ABCA13: variants seen among roughly 807,000 people sequenced by gnomAD.
The protein encoded by ABCA13 is ATP-binding cassette sub-family A member 13.
A neutral mutation model predicts 478.7 loss-of-function variants in ABCA13; 476 were observed. That is an observed-to-expected ratio of 0.99 (90% CI 0.92 to 1.07). ABCA13 has a LOEUF of 1.07. ABCA13 is among the 50% of genes least tolerant of loss of function. ABCA13 has a pLI of 0.00. For missense variants in ABCA13, 6,060 were observed against 5,910.6 expected (o/e 1.03, Z -0.83); for synonymous variants, 2,252 against 2,158.9 (o/e 1.04, Z -1.20).
chr7:48,408,928 A>G (rs1004501396), intron 39 of ABCA13, among the ~76,000 whole-genome samples: 2 of 152,062 alleles, frequency 1.3e-5, no homozygotes, highest in Non-Finnish European at 2.9e-5. Flanking sequence ...CCCACTTGTA[A>G]GTGAGAACAT....
chr7:48,295,302 T>C (rs1170732225), intron 20 of ABCA13, among the ~76,000 whole-genome samples: 1 of 152,256 alleles, frequency 6.6e-6, no homozygotes, highest in African/African-American at 2.4e-5. Flanking sequence ...CCTTTTCTTT[T>C]ACCTGTTTGC....
rs538042124 is a variant in ABCA13, at chr7:48,614,636, A to C, written c.14745-649A>C. 3.0e-4 allele frequency among the ~76,000 whole-genome samples: 45 copies of C among 150,844 alleles called. 1 individual carries two copies. Among genetic ancestry groups the C allele is most frequent in the African/African-American group, 1.1e-3 (45 of 41,386 alleles). On this transcript the variant is annotated intron_variant, in intron 58 of 61. Transcript: ENST00000435803. The stretch of plus-strand genomic sequence containing the variant: ...AATAGCAAAGACTTGGAACCAACCC[A>C]AATGTCCAACAATGATAGACTGGAT...
intron 55 of ABCA13, among the ~76,000 whole-genome samples, chr7:48,547,167 AT>A (rs5884052): frequency 0.14 from 21,177 of 151,540 alleles, 2,022 homozygotes; most frequent in African/African-American, 0.23. Context: ...TACAGTGTAT[AT>A]TTTTTTCATT....
chr7:48,621,997 G>T (rs1294072440), intron 59 of ABCA13, among the ~76,000 whole-genome samples: 1 of 152,102 alleles, frequency 6.6e-6, no homozygotes, highest in Admixed American at 6.6e-5. Context: ...GAATTTCGGG[G>T]ACCCAACCTC....
intron 29 of ABCA13, among the ~76,000 whole-genome samples, chr7:48,339,623 T>C (rs1007867448): frequency 5.3e-5 from 8 of 152,234 alleles, no homozygotes; most frequent in Non-Finnish European, 1.0e-4. Flanking sequence ...TAAACTTCTA[T>C]TGTAAAATTA....
In ABCA13 at chr7:48,272,619, T is replaced by G. The variant is rs746302936; in HGVS notation, c.2953T>G (p.Leu985Val). ...GAATATTCAGAGTAGAGGCTCTTCG[T>G]TGACTTTCCTTACACAAATCTCAAA... ...LLNIQSRGSSLTFLTQISKHI... is the reference protein window; with the variant it reads ...LLNIQSRGSSVTFLTQISKHI... Residue 985 changes from leucine to valine, a missense_variant, in exon 17 of 62, where the codon TTG becomes GTG. Physicochemically the swap from Leu to Val is conservative, Grantham distance 32. Coordinates refer to ENST00000435803, the MANE Select transcript of ABCA13 (RefSeq NM_152701.5). 33 of 1,613,076 alleles carry G rather than the reference T, an allele frequency of 2.0e-5. No individual in the cohort carries two copies. Among genetic ancestry groups the G allele is most frequent in the Non-Finnish European group, 2.6e-5 (31 of 1,179,384 alleles).
chr7:48,198,220 T>G lies in ABCA13; in HGVS notation c.164-17T>G. 6.2e-7 allele frequency: 1 copy of G among 1,607,420 alleles called. No individual in the cohort carries two copies. The highest frequency in any genetic ancestry group is 2.2e-5 in the East Asian group (1 of 44,740). On this transcript the variant is annotated splice_polypyrimidine_tract_variant and intron_variant, in intron 2 of 61. Transcript: ENST00000435803. Reference sequence around the variant, plus strand: ...AGCAGGTATACGGACTCATTTCTTCTTTGCATCTATTTCTAGGTTATTTGC... The same window carrying G: ...AGCAGGTATACGGACTCATTTCTTCGTTGCATCTATTTCTAGGTTATTTGC...
At chr7:48,626,986 C>T in intron 59 of ABCA13, 1 of 985,352 alleles carries the variant, frequency 1.0e-6, no homozygotes, top group Non-Finnish European at 1.2e-6. Context: ...TAGCTGAACT[C>T]ATCACAACTT....
intron 2 of ABCA13, among the ~76,000 whole-genome samples, chr7:48,193,997 G>T (rs2128899505): frequency 6.8e-6 from 1 of 147,070 alleles, no homozygotes; most frequent in South Asian, 2.2e-4. Flanking sequence ...AGATGATAGT[G>T]ATGATAGCGA....
intron 23 of ABCA13, among the ~76,000 whole-genome samples, chr7:48,303,071 C>T (rs1800380491): frequency 6.6e-6 from 1 of 152,150 alleles, no homozygotes; most frequent in South Asian, 2.1e-4. Context: ...TTTTGATTTG[C>T]ATGTCTCTAA....
At chr7:48,487,127 A>G (rs1829380196) in intron 47 of ABCA13, among the ~76,000 whole-genome samples, 1 of 152,094 alleles carries the variant, frequency 6.6e-6, no homozygotes, top group South Asian at 2.1e-4. Context: ...CCTGACCAAC[A>G]TGGAGATACC....
Position 48,276,122 on chromosome 7 carries a change from GAGTTCA to G in ABCA13, c.6458_6463del (p.Ser2153_Ser2154del), listed in dbSNP as rs763352890. On this transcript the variant is annotated inframe_deletion, in exon 17 of 62. Coordinates refer to ENST00000435803, the MANE Select transcript of ABCA13 (RefSeq NM_152701.5). Reference sequence around the variant, plus strand: ...CATTATTCATTCCTGTGACCAATGAGAGTTCAACTGAAGATATAGCTTTGTTAGCCA... The same window carrying G: ...CATTATTCATTCCTGTGACCAATGAGACTGAAGATATAGCTTTGTTAGCCA... The G allele has an allele frequency of 1.9e-6, 3 of 1,597,434 alleles. No homozygotes were observed. The East Asian group carries it at 6.7e-5, about 36-fold the overall frequency.
chr7:48,469,862 G>A (rs1365485766), intron 44 of ABCA13, among the ~76,000 whole-genome samples: 1 of 151,742 alleles, frequency 6.6e-6, no homozygotes, highest in Non-Finnish European at 1.5e-5. Flanking sequence ...GGAGGTTGTA[G>A]TGAGCCGAGA....
At chr7:48,268,722 G>T (rs1211252039) in intron 15 of ABCA13, among the ~76,000 whole-genome samples, 1 of 151,684 alleles carries the variant, frequency 6.6e-6, no homozygotes, top group Non-Finnish European at 1.5e-5. Flanking sequence ...AGCAAGCTGG[G>T]ATAATCATAG....
Position 48,644,839 on chromosome 7 carries a change from G to T in ABCA13, c.15081+85G>T, listed in dbSNP as rs1453699443. 5 of 1,294,374 alleles carry T rather than the reference G, an allele frequency of 3.9e-6. No homozygotes were observed. In the East Asian group the frequency reaches 9.7e-5, roughly 25 times the overall value. The allele number at this position is 1,294,374 out of a possible 1,614,324, so 80.2% of individuals were successfully genotyped here. A position where few individuals can be genotyped will look rare whatever the true frequency, so the allele number is the denominator to read the frequency against. The stretch of plus-strand genomic sequence containing the variant: ...AGCCAATTTTAAAATTAATCGAATT[G>T]CTTCAATTCACCACTTTATTCAATT... On this transcript the variant is annotated intron_variant, in intron 61 of 61. Transcript: ENST00000435803.
In ABCA13 at chr7:48,367,791, C is replaced by A. The variant is rs1811910993; in HGVS notation, c.10689-3C>A. On this transcript the variant is annotated splice_region_variant and splice_polypyrimidine_tract_variant and intron_variant, in intron 31 of 61. Transcript: ENST00000435803. ...GGATGCTGACTGAATTATCCCCTTA[C>A]AGATTCCTGAACAACGTTGGTTTCT... 1.9e-6 allele frequency: 3 copies of A among 1,556,168 alleles called. No individual in the cohort carries two copies. In the East Asian group the frequency reaches 7.2e-5, roughly 37 times the overall value.
intron 52 of ABCA13, among the ~76,000 whole-genome samples, chr7:48,518,772 AG>A (rs1229581423): frequency 6.6e-6 from 1 of 152,210 alleles, no homozygotes; most frequent in African/African-American, 2.4e-5. Flanking sequence ...AAACCAAAAA[AG>A]GTGACTGGAT....
chr7:48,455,321 T>A, intron 43 of ABCA13, 35 bp downstream of exon 43: 1 of 1,570,882 alleles, frequency 6.4e-7, no homozygotes, highest in Non-Finnish European at 8.7e-7. Context: ...TTCGAAATTA[T>A]GTCGAGGCAG....
chr7:48,517,715 A>T (rs1395839155), intron 52 of ABCA13, among the ~76,000 whole-genome samples: 4 of 152,202 alleles, frequency 2.6e-5, no homozygotes, highest in African/African-American at 9.6e-5. Context: ...CCCTTATTGC[A>T]ATCCTTTTCA....
Sources: allele counts gnomAD v4.1 joint callset (sites outside exome capture counted in the v4.1 genomes callset), GRCh38; gene constraint gnomAD v4.1.1; transcripts MANE v1.5; gene names NCBI Gene and HGNC (gene_info 2026-07-23, HGNC 2026-07-21).